OXR1: variants seen among roughly 807,000 people sequenced by gnomAD.
The protein encoded by OXR1 is oxidation resistance protein 1.
OXR1 carries 41 observed loss-of-function variants against 104.6 expected under a neutral mutation model. The observed-to-expected ratio is 0.39, with a 90% CI of 0.31 to 0.51. The LOEUF (loss-of-function observed/expected upper bound fraction) is 0.51, where lower values mean the gene tolerates loss of function less well. Among genes scored for constraint, OXR1 ranks in the 20% least tolerant of loss-of-function variants. OXR1 has a pLI of 0.77. For missense variants in OXR1, 955 were observed against 1,031.9 expected (o/e 0.93, Z 1.02); for synonymous variants, 348 against 348.4 (o/e 1.00, Z 0.01).
intron 3 of OXR1, among the ~76,000 whole-genome samples, chr8:106,612,688 T>G (rs1285781740): frequency 6.6e-6 from 1 of 152,200 alleles, no homozygotes; most frequent in East Asian, 1.9e-4. Context: ...GCAGGCAAAA[T>G]GTGAAGTACC....
At chr8:106,486,912 G>A (rs763119277) in intron 2 of OXR1, among the ~76,000 whole-genome samples, 18 of 151,660 alleles carry the variant, frequency 1.2e-4, no homozygotes, top group Non-Finnish European at 2.5e-4. Context: ...CAACATCAAT[G>A]TAGTTTTTAA....
At chr8:106,529,572 C>T (rs1315355611) in intron 3 of OXR1, among the ~76,000 whole-genome samples, 2 of 152,120 alleles carry the variant, frequency 1.3e-5, no homozygotes, top group Admixed American at 6.5e-5. Context: ...GTTAAATAAG[C>T]TTGCCAACTC....
In OXR1 at chr8:106,726,414, A is replaced by G. The variant is rs1833351690; in HGVS notation, c.1957-11106A>G. 9.6e-6 allele frequency: 6 copies of G among 622,498 alleles called. No homozygotes were observed. In the East Asian group the frequency reaches 1.6e-4, roughly 17 times the overall value. The allele number at this position is 622,498 out of a possible 1,614,324, so 38.6% of individuals were successfully genotyped here. A position where few individuals can be genotyped will look rare whatever the true frequency, so the allele number is the denominator to read the frequency against. On this transcript the variant is annotated intron_variant, in intron 11 of 16. Transcript: ENST00000517566. Reference sequence around the variant, plus strand: ...GAAAGTTTAAGCATAGAGGATATTTATAGAATACAAAATTTTATGATTGTA... The same window carrying G: ...GAAAGTTTAAGCATAGAGGATATTTGTAGAATACAAAATTTTATGATTGTA...
rs776241368 is a variant in OXR1, at chr8:106,706,564, G to C, written c.1043G>C (p.Arg348Pro). 6.2e-7 allele frequency: 1 copy of C among 1,611,264 alleles called. No individual in the cohort carries two copies. The highest frequency in any genetic ancestry group is 8.5e-7 in the Non-Finnish European group (1 of 1,179,148). The change falls in exon 9 of 17, where the codon CGA becomes CCA. Residue 348 changes from arginine (R) to proline (P), a missense_variant. By Grantham distance (103) the Arg-to-Pro change is moderately radical. Coordinates refer to ENST00000517566, the MANE Select transcript of OXR1 (RefSeq NM_001198533.2). ...ACAGAATCAGAACTTTCCCCTATACGAGAGGAGCTTGTATCTTCAGATGAA... is the reference window on the plus strand; with the variant it reads ...ACAGAATCAGAACTTTCCCCTATACCAGAGGAGCTTGTATCTTCAGATGAA... ...VFTESELSPI[R>P]EELVSSDELR... is the part of the protein sequence containing the mutation.
intron 11 of OXR1, among the ~76,000 whole-genome samples, chr8:106,721,055 A>T (rs1396800566): frequency 3.3e-5 from 5 of 152,056 alleles, no homozygotes; most frequent in African/African-American, 1.2e-4. Flanking sequence ...CCCAAGTACC[A>T]ACTTCAAGAG....
intron 3 of OXR1, among the ~76,000 whole-genome samples, chr8:106,674,700 A>T (rs1024104514): frequency 1.3e-5 from 2 of 152,150 alleles, no homozygotes; most frequent in Non-Finnish European, 2.9e-5. Context: ...GGGAGAAACC[A>T]GGTGGAGGTA....
At chr8:106,292,552 G>A (rs949248648) in intron 1 of OXR1, among the ~76,000 whole-genome samples, 6 of 152,166 alleles carry the variant, frequency 3.9e-5, no homozygotes, top group South Asian at 2.1e-4. Flanking sequence ...TACTATCCTC[G>A]GTTTCAGGTA....
intron 3 of OXR1, among the ~76,000 whole-genome samples, chr8:106,603,628 C>T (rs1006794669): frequency 1.3e-5 from 2 of 152,076 alleles, no homozygotes; most frequent in Non-Finnish European, 2.9e-5. Context: ...TGTTGCTTTT[C>T]TATATTGCCA....
rs370140894 is a variant in OXR1, at chr8:106,436,884, C to T, written c.23+77248C>T. Among the ~76,000 whole-genome samples the T allele has an allele frequency of 4.6e-5, 7 of 152,210 alleles. No homozygotes were observed. In the East Asian group the frequency reaches 7.8e-4, roughly 17 times the overall value. On this transcript the variant is annotated intron_variant, in intron 2 of 16. Coordinates refer to ENST00000517566, the MANE Select transcript of OXR1 (RefSeq NM_001198533.2). Reference sequence around the variant, plus strand: ...ATTGGCTTGACCTGAAATACATGCTCCCCCTGGGGCAGGAAGATCAGCTCA... The same window carrying T: ...ATTGGCTTGACCTGAAATACATGCTTCCCCTGGGGCAGGAAGATCAGCTCA...
chr8:106,692,557 C>T (rs1033003183), intron 6 of OXR1, among the ~76,000 whole-genome samples, 171 bp from the exon 7 acceptor site: 3 of 151,976 alleles, frequency 2.0e-5, no homozygotes, highest in Non-Finnish European at 4.4e-5. Context: ...GAAAATAGTG[C>T]CACTTTTGTC....
chr8:106,729,290 A>T (rs1833639645), intron 11 of OXR1, among the ~76,000 whole-genome samples: 1 of 152,168 alleles, frequency 6.6e-6, no homozygotes, highest in Admixed American at 6.5e-5. Flanking sequence ...GCTCTAGCTG[A>T]TGCCCTTAAA....
At chr8:106,310,905 AT>A (rs1255173761) in intron 1 of OXR1, among the ~76,000 whole-genome samples, 1 of 151,720 alleles carries the variant, frequency 6.6e-6, no homozygotes, top group Non-Finnish European at 1.5e-5. Flanking sequence ...AGGTTGGATC[AT>A]TTTTTTATCC....
At chr8:106,617,821 G>T (rs916523392) in intron 3 of OXR1, among the ~76,000 whole-genome samples, 2 of 152,202 alleles carry the variant, frequency 1.3e-5, no homozygotes, top group African/African-American at 4.8e-5. Context: ...ACAGAGGCTA[G>T]ATATTGAGTC....
intron 1 of OXR1, among the ~76,000 whole-genome samples, chr8:106,309,652 A>G (rs1813615357): frequency 6.6e-6 from 1 of 151,762 alleles, no homozygotes; most frequent in Non-Finnish European, 1.5e-5. Context: ...CCTTTGAGAG[A>G]TAAAATTTGT....
chr8:106,743,555 A>G (rs999076497), intron 15 of OXR1, among the ~76,000 whole-genome samples: 1 of 152,188 alleles, frequency 6.6e-6, no homozygotes, highest in African/African-American at 2.4e-5. Context: ...TCCTGACCTC[A>G]GGTGATCCAC....
At chr8:106,672,367 GT>G (rs1427174695) in intron 3 of OXR1, among the ~76,000 whole-genome samples, 2 of 151,380 alleles carry the variant, frequency 1.3e-5, no homozygotes, top group Non-Finnish European at 2.9e-5. Flanking sequence ...TGTGCCTGTA[GT>G]CCCAGCTACT....
At chr8:106,346,535 T>C (rs1815486761) in intron 1 of OXR1, among the ~76,000 whole-genome samples, 1 of 152,154 alleles carries the variant, frequency 6.6e-6, no homozygotes, top group South Asian at 2.1e-4. Context: ...AAATAAATGG[T>C]TAATAAAGTT....
intron 16 of OXR1, among the ~76,000 whole-genome samples, chr8:106,746,156 C>T (rs1587323444): frequency 6.6e-6 from 1 of 152,110 alleles, no homozygotes; most frequent in Non-Finnish European, 1.5e-5. Context: ...AGGGAAATAT[C>T]TCAGTACCTT....
chr8:106,591,091 G>C (rs896969587), intron 3 of OXR1, among the ~76,000 whole-genome samples: 2 of 151,792 alleles, frequency 1.3e-5, no homozygotes, highest in African/African-American at 4.8e-5. Context: ...TTTACACCAC[G>C]GAATACTATG....
Sources: gnomAD v4.1 joint callset for allele counts (sites outside exome capture counted in the v4.1 genomes callset) on GRCh38, gnomAD v4.1.1 for gene constraint, MANE v1.5 for transcripts, NCBI Gene and HGNC (gene_info 2026-07-23, HGNC 2026-07-21) for gene names.